Variants in PAPPA2 observed in about 807,000 individuals in gnomAD.
PAPPA2 encodes the protein pappalysin 2.
Under a neutral mutation model 176.4 loss-of-function variants are expected in PAPPA2, and 86 were observed. The ratio of observed to expected loss-of-function variants is 0.49; its 90% CI spans 0.41 to 0.58. The LOEUF is 0.58. PAPPA2 is among the 20% of genes least tolerant of loss of function. PAPPA2 has a pLI of 0.00. For synonymous variants in PAPPA2, 809 were observed against 852.2 expected, an observed-to-expected ratio of 0.95 and a Z score of 0.88; for missense variants, 2,073 against 2,256.9, an observed-to-expected ratio of 0.92 and a Z score of 1.65.
chr1:176,779,820 A>C (rs906170975), intron 17 of PAPPA2, among the ~76,000 whole-genome samples: 4 of 152,194 alleles, frequency 2.6e-5, no homozygotes, highest in Non-Finnish European at 5.9e-5. Flanking sequence ...GCTTTCAGCC[A>C]CGCTGCTACA....
chr1:176,835,804 C>T (rs1005111416), intron 21 of PAPPA2, among the ~76,000 whole-genome samples: 1 of 152,180 alleles, frequency 6.6e-6, no homozygotes, highest in Non-Finnish European at 1.5e-5. Context: ...AGGTGTGAGC[C>T]ACTGTGCCTG....
In PAPPA2 at chr1:176,840,271, G is replaced by A. The variant is rs771166791; in HGVS notation, c.5301G>A (p.Lys1767=). ...GCTCTTCCACACTCTCCTCCAAGAA[G>A]GTGAGTGAGAGAACCTGGGGATGGG... ...DCCSSTLSSK[K]VIPFAADCDL... The change falls in exon 22 of 23, where the codon AAG becomes AAA. Residue 1767 remains lysine, a splice_region_variant and synonymous_variant. Coordinates refer to ENST00000367662, the MANE Select transcript of PAPPA2 (RefSeq NM_020318.3). 6.2e-7 allele frequency: 1 copy of A among 1,609,738 alleles called. No homozygotes were observed. Among genetic ancestry groups the A allele is most frequent in the Admixed American group, 1.7e-5 (1 of 59,976 alleles).
rs1558521872 is a variant in PAPPA2, at chr1:176,690,428, CG to C, written c.2431+1del. 6.2e-7 allele frequency: 1 copy of C among 1,613,356 alleles called. No individual in the cohort carries two copies. Among genetic ancestry groups the C allele is most frequent in the Admixed American group, 1.7e-5 (1 of 60,006 alleles). Reference protein sequence around the residue: ...GAPFTNYMSYTDDNCTDNFTP... With the variant: ...GAPFTNYMSYXDDNCTDNFTP... ...CCGTTCACCAACTACATGAGCTACACGGGTATCACCACTGTCTTGTTTTGTT... is the reference window on the plus strand; with the variant it reads ...CCGTTCACCAACTACATGAGCTACACGGTATCACCACTGTCTTGTTTTGTT... On this transcript the variant is annotated frameshift_variant and splice_region_variant, in exon 5 of 23. Coordinates refer to ENST00000367662, the MANE Select transcript of PAPPA2 (RefSeq NM_020318.3). LOFTEE classifies it high-confidence loss of function.
chr1:176,485,137 C>T (rs1652587838), intron 1 of PAPPA2, among the ~76,000 whole-genome samples: 1 of 152,148 alleles, frequency 6.6e-6, no homozygotes, highest in South Asian at 2.1e-4. Flanking sequence ...ATCTTCTGGC[C>T]TTTTTATTAC....
chr1:176,757,219 C>A (rs999272644), intron 14 of PAPPA2, among the ~76,000 whole-genome samples: 1 of 152,184 alleles, frequency 6.6e-6, no homozygotes. Flanking sequence ...TGGGTATATA[C>A]TCAGTAGTGG....
At chr1:176,610,818 C>G (rs184748813) in intron 3 of PAPPA2, among the ~76,000 whole-genome samples, 65 of 152,240 alleles carry the variant, frequency 4.3e-4, no homozygotes, top group Non-Finnish European at 7.8e-4. Context: ...GCATCTCATT[C>G]TATTTATTTA....
chr1:176,562,085 G>A (rs968454359), intron 2 of PAPPA2, among the ~76,000 whole-genome samples: 7 of 152,152 alleles, frequency 4.6e-5, no homozygotes, highest in African/African-American at 1.2e-4. Flanking sequence ...TGGGAGCTAC[G>A]ACTCGAGATG....
intron 1 of PAPPA2, among the ~76,000 whole-genome samples, chr1:176,479,750 T>C (rs1652302956): frequency 6.6e-6 from 1 of 152,204 alleles, no homozygotes; most frequent in Non-Finnish European, 1.5e-5. Context: ...AAAGTTTGAA[T>C]ACCTTGCTTT....
chr1:176,759,607 T>C (rs1663597005), intron 14 of PAPPA2, among the ~76,000 whole-genome samples: 1 of 152,144 alleles, frequency 6.6e-6, no homozygotes, highest in Admixed American at 6.5e-5. Context: ...AGGGCAGCTG[T>C]AGGCAGAATA....
chr1:176,587,365 A>G (rs1444945536), intron 2 of PAPPA2, among the ~76,000 whole-genome samples: 2 of 152,160 alleles, frequency 1.3e-5, no homozygotes, highest in Non-Finnish European at 2.9e-5. Flanking sequence ...GTCTTTGCCC[A>G]TGCCTATGTT....
intron 1 of PAPPA2, among the ~76,000 whole-genome samples, chr1:176,491,447 A>C (rs1013508038): frequency 1.3e-5 from 2 of 152,230 alleles, no homozygotes; most frequent in African/African-American, 4.8e-5. Context: ...TGCATGAGAA[A>C]AAACACAGAG....
intron 15 of PAPPA2, among the ~76,000 whole-genome samples, chr1:176,768,983 T>C (rs1472096067): frequency 6.6e-6 from 1 of 152,134 alleles, no homozygotes; most frequent in African/African-American, 2.4e-5. Flanking sequence ...AGACCACTCA[T>C]AAATGTGCAG....
At chr1:176,833,650 A>T (rs1016399403) in intron 21 of PAPPA2, among the ~76,000 whole-genome samples, 1 of 152,068 alleles carries the variant, frequency 6.6e-6, no homozygotes, top group Non-Finnish European at 1.5e-5. Context: ...AACATTTTAG[A>T]TGGTTTATAG....
At chr1:176,570,932 C>A (rs923129618) in intron 2 of PAPPA2, among the ~76,000 whole-genome samples, 1 of 152,120 alleles carries the variant, frequency 6.6e-6, no homozygotes, top group Non-Finnish European at 1.5e-5. Flanking sequence ...CCCTACACTG[C>A]TGCTGTCCTC....
At chr1:176,816,845 G>A (rs1388565470) in intron 21 of PAPPA2, among the ~76,000 whole-genome samples, 1 of 152,080 alleles carries the variant, frequency 6.6e-6, no homozygotes, top group East Asian at 1.9e-4. Context: ...TTACTTTGCT[G>A]TTTTTTCTCT....
Position 176,842,420 on chromosome 1 carries a change from C to G in PAPPA2, c.5342C>G (p.Thr1781Ser). The change falls in exon 23 of 23, where the codon ACC (threonine) becomes AGC (serine). Residue 1781 changes from threonine (T) to serine (S), a missense_variant. Physicochemically the swap from Thr to Ser is moderately conservative, Grantham distance 58. Coordinates refer to ENST00000367662, the MANE Select transcript of PAPPA2 (RefSeq NM_020318.3). ...GCTGACTGTGACCTGGATGAGTGCA[C>G]CTGCCGGGACCCCAAGGCAGAAGAA... ...FAADCDLDEC[T>S]CRDPKAEENQ 1 of 1,613,344 alleles carries G rather than the reference C, an allele frequency of 6.2e-7. No homozygotes were observed. The highest frequency in any genetic ancestry group is 8.5e-7 in the Non-Finnish European group (1 of 1,179,568).
intron 2 of PAPPA2, among the ~76,000 whole-genome samples, chr1:176,562,852 T>C (rs1651753948): frequency 6.6e-6 from 1 of 152,238 alleles, no homozygotes; most frequent in East Asian, 1.9e-4. Flanking sequence ...GGCTGTATGA[T>C]ATCTGGTTTA....
At position 176,652,443 on chromosome 1, in the gene PAPPA2, A is replaced by C. The variant is rs144867900; in HGVS notation, c.1992-18527A>C. Among the ~76,000 whole-genome samples the C allele has an allele frequency of 3.0e-3, 451 of 151,768 alleles. 8 individuals are homozygous for C. The highest frequency in any genetic ancestry group is 0.011 in the African/African-American group (437 of 41,466). ...TACCTTGGTTCTAGTAAACAATCAG[A>C]GTGTGCCCTGTACCATATTGGAGAG... is the stretch of plus-strand genomic sequence containing the variant. On this transcript the variant is annotated intron_variant, in intron 3 of 22. Transcript: ENST00000367662.
rs78323910 is a variant in PAPPA2 at position 176,836,247 on chromosome 1, T to G, written c.5203-3926T>G. On this transcript the variant is annotated intron_variant, in intron 21 of 22. Transcript: ENST00000367662. ...GTCATTCACATAACGAGAAGTTTTT[T>G]TTATGAAAACGATGTGGAAAACAGA... Among the ~76,000 whole-genome samples, 251 of 152,294 alleles carry G rather than the reference T, an allele frequency of 1.6e-3. 2 individuals carry two copies. In the East Asian group the frequency reaches 0.021, roughly 13 times the overall value.
Sources: allele counts gnomAD v4.1 joint callset (sites outside exome capture counted in the v4.1 genomes callset), GRCh38; gene constraint gnomAD v4.1.1; transcripts MANE v1.5; gene names NCBI Gene and HGNC (gene_info 2026-07-23, HGNC 2026-07-21).